CADM2: variants seen among roughly 807,000 people sequenced by gnomAD.
The protein encoded by CADM2 is immunoglobulin superfamily member 4D.
A neutral mutation model predicts 49.8 loss-of-function variants in CADM2; 12 were observed. The ratio of observed to expected loss-of-function variants is 0.24; its 90% CI spans 0.15 to 0.39. The LOEUF (loss-of-function observed/expected upper bound fraction) is 0.39. CADM2 is among the 10% of genes least tolerant of loss of function. The pLI is 1.00. For missense variants in CADM2, 378 were observed against 492.3 expected (o/e 0.77, Z 2.20); for synonymous variants, 214 against 175.4 (o/e 1.22, Z -1.74).
intron 1 of CADM2, among the ~76,000 whole-genome samples, chr3:85,404,838 C>T (rs774138262): frequency 5.9e-5 from 9 of 151,988 alleles, no homozygotes; most frequent in Non-Finnish European, 1.2e-4. Context: ...TTAAAATTCA[C>T]GTGTTTTAAA....
intron 8 of CADM2, among the ~76,000 whole-genome samples, chr3:85,983,837 C>A (rs146267700): frequency 6.6e-6 from 1 of 151,426 alleles, no homozygotes; most frequent in Non-Finnish European, 1.5e-5. Context: ...TATCATTCAT[C>A]TACCATCTGT....
At chr3:85,877,380 G>C (rs776075648) in intron 3 of CADM2, among the ~76,000 whole-genome samples, 1 of 151,860 alleles carries the variant, frequency 6.6e-6, no homozygotes, top group Non-Finnish European at 1.5e-5. Context: ...TCCTCAAAGG[G>C]GAACATTTTT....
At chr3:85,951,279 A>G (rs1318978471) in intron 7 of CADM2, among the ~76,000 whole-genome samples, 1 of 151,074 alleles carries the variant, frequency 6.6e-6, no homozygotes, top group Non-Finnish European at 1.5e-5. Flanking sequence ...CTCACACACA[A>G]ATGCACAAAG....
chr3:85,784,771 G>A (rs779588901), intron 2 of CADM2, among the ~76,000 whole-genome samples: 1 of 152,106 alleles, frequency 6.6e-6, no homozygotes, highest in African/African-American at 2.4e-5. Context: ...TTTCTGCCTG[G>A]TTTTGGTATC....
At chr3:85,171,129 A>G (rs2040614655) in intron 1 of CADM2, among the ~76,000 whole-genome samples, 1 of 152,208 alleles carries the variant, frequency 6.6e-6, no homozygotes, top group East Asian at 1.9e-4. Context: ...TTCTAAAGTC[A>G]ATAACCTGAA....
At chr3:85,694,312 G>T (rs1019457269) in intron 1 of CADM2, among the ~76,000 whole-genome samples, 1 of 152,162 alleles carries the variant, frequency 6.6e-6, no homozygotes, top group Non-Finnish European at 1.5e-5. Context: ...TCATAAGGAT[G>T]GGAGCCTAAT....
chr3:85,259,689 A>G (rs539591827), intron 1 of CADM2, among the ~76,000 whole-genome samples: 23 of 152,150 alleles, frequency 1.5e-4, no homozygotes, highest in Non-Finnish European at 2.6e-4. Context: ...AATTATCCAA[A>G]TCACTCAAAC....
intron 1 of CADM2, among the ~76,000 whole-genome samples, chr3:85,022,127 G>A (rs9876378): frequency 0.32 from 48,449 of 152,040 alleles, 8,305 homozygotes; most frequent in Middle Eastern, 0.4. Flanking sequence ...AAAAGAAGAG[G>A]GGACAGGCTG....
intron 1 of CADM2, among the ~76,000 whole-genome samples, chr3:85,258,216 G>C (rs968277049): frequency 6.6e-6 from 1 of 152,110 alleles, no homozygotes; most frequent in African/African-American, 2.4e-5. Context: ...TGCATAGAAA[G>C]TGTTTCATGC....
chr3:85,745,544 TC>T (rs1334117923), intron 2 of CADM2, among the ~76,000 whole-genome samples: 1 of 151,952 alleles, frequency 6.6e-6, no homozygotes, highest in East Asian at 2.0e-4. Flanking sequence ...TCAACACGAT[TC>T]AGAAGTAAGA....
chr3:85,222,047 A>T (rs890900352), intron 1 of CADM2, among the ~76,000 whole-genome samples: 2 of 152,234 alleles, frequency 1.3e-5, no homozygotes, highest in Non-Finnish European at 2.9e-5. Flanking sequence ...GAAGAATAAT[A>T]GTCCATGAGA....
chr3:85,775,486 GACTATATTGTAGCTTTATAA>G (rs2107970495), intron 2 of CADM2, among the ~76,000 whole-genome samples: 1 of 151,844 alleles, frequency 6.6e-6, no homozygotes, highest in South Asian at 2.1e-4. Context: ...AGATTGTGAT[GACTATATTGTAGCTTTATAA>G]ACTTGAAAAT....
At chr3:85,604,618 T>C (rs2063500227) in intron 1 of CADM2, among the ~76,000 whole-genome samples, 1 of 151,938 alleles carries the variant, frequency 6.6e-6, no homozygotes, top group Admixed American at 6.6e-5. Context: ...TTTCAGAAAA[T>C]TTAGTGAATA....
chr3:85,095,608 C>G (rs2037765518), intron 1 of CADM2, among the ~76,000 whole-genome samples: 1 of 152,020 alleles, frequency 6.6e-6, no homozygotes, highest in Admixed American at 6.6e-5. Context: ...TTAGAAAAAC[C>G]AAAATCTTAA....
At chr3:85,421,328 G>T (rs961456629) in intron 1 of CADM2, among the ~76,000 whole-genome samples, 4 of 152,140 alleles carry the variant, frequency 2.6e-5, no homozygotes, top group Non-Finnish European at 5.9e-5. Context: ...TTGCTTTAAT[G>T]TATTTCTGTA....
chr3:86,049,061 C>CA (rs1051158468), intron 8 of CADM2, among the ~76,000 whole-genome samples: 25 of 151,790 alleles, frequency 1.6e-4, no homozygotes, highest in African/African-American at 6.0e-4. Flanking sequence ...TTTATAACAA[C>CA]AAAAACCTTT....
At chr3:85,971,493 T>C (rs1048427500) in intron 8 of CADM2, among the ~76,000 whole-genome samples, 41 of 151,672 alleles carry the variant, frequency 2.7e-4, no homozygotes, top group African/African-American at 9.2e-4. Flanking sequence ...TCAGTCAGTA[T>C]TTTTCTACTA....
At chr3:85,121,287 C>T (rs1226462512) in intron 1 of CADM2, among the ~76,000 whole-genome samples, 2 of 152,138 alleles carry the variant, frequency 1.3e-5, no homozygotes, top group African/African-American at 2.4e-5. Context: ...GCCGGTTTTT[C>T]ATTAATAGTT....
intron 1 of CADM2, among the ~76,000 whole-genome samples, chr3:85,218,448 G>A (rs1206710694): frequency 6.6e-6 from 1 of 152,066 alleles, no homozygotes; most frequent in African/African-American, 2.4e-5. Context: ...CAGTGCTCCA[G>A]GCGGCCTTTA....
Sources: gnomAD v4.1 joint callset for allele counts (sites outside exome capture counted in the v4.1 genomes callset) on GRCh38, gnomAD v4.1.1 for gene constraint, MANE v1.5 for transcripts, NCBI Gene and HGNC (gene_info 2026-07-23, HGNC 2026-07-21) for gene names.